Variants in PCDH11Y observed in about 807,000 individuals in gnomAD.
PCDH11Y encodes protocadherin 11 Y-linked.
For missense variants in PCDH11Y, 12 were observed against 224.8 expected (o/e 0.05, Z 6.05); for synonymous variants, 9 against 83.6 (o/e 0.11, Z 4.87).
At chrY:5,308,128 C>T in intron 2 of PCDH11Y, among the ~76,000 whole-genome samples, 1 of 33,093 alleles carries the variant, frequency 3.0e-5, no homozygotes, top group Non-Finnish European at 7.4e-5. Flanking sequence ...TTCAAATAGT[C>T]ATGTAAACTG....
intron 3 of PCDH11Y, among the ~76,000 whole-genome samples, chrY:5,559,533 T>C (rs2124694979): frequency 3.0e-5 from 1 of 33,086 alleles, no homozygotes; most frequent in Admixed American, 2.8e-4. Flanking sequence ...TTGAATTTAA[T>C]GCCCATAATT....
At chrY:5,583,523 A>AT (rs2053452664) in intron 4 of PCDH11Y, among the ~76,000 whole-genome samples, 1 of 30,951 alleles carries the variant, frequency 3.2e-5, no homozygotes, top group Non-Finnish European at 7.9e-5. Flanking sequence ...ATATCTTTTC[A>AT]TTTTTTGTGT....
chrY:5,081,295 C>T (rs207480118), intron 1 of PCDH11Y, among the ~76,000 whole-genome samples: 1 of 32,242 alleles, frequency 3.1e-5, no homozygotes, highest in Non-Finnish European at 7.5e-5. Context: ...GTTTGATGTC[C>T]GGTAGTGTGA....
At chrY:5,298,307 G>A (rs2124662847) in intron 2 of PCDH11Y, among the ~76,000 whole-genome samples, 3 of 33,458 alleles carry the variant, frequency 9.0e-5, no homozygotes, top group Admixed American at 2.7e-4. Context: ...GGTAGTAGGA[G>A]TCTAAATGAG....
chrY:5,446,044 CAACTAT>C (rs2053287513), intron 2 of PCDH11Y, among the ~76,000 whole-genome samples: 1 of 33,455 alleles, frequency 3.0e-5, no homozygotes, highest in Non-Finnish European at 7.4e-5. Context: ...TACATCATTA[CAACTAT>C]AATTTAAAAT....
At chrY:5,384,383 A>T in intron 2 of PCDH11Y, among the ~76,000 whole-genome samples, 1 of 29,471 alleles carries the variant, frequency 3.4e-5, no homozygotes, top group African/African-American at 1.3e-4. Context: ...TAAACTCATT[A>T]TATTATCATT....
At chrY:5,407,892 C>G (rs373713464) in intron 2 of PCDH11Y, among the ~76,000 whole-genome samples, 1 of 17,106 alleles carries the variant, frequency 5.8e-5, no homozygotes, top group African/African-American at 2.4e-4. Context: ...CCAGCCTGGG[C>G]GACAGAGCGA....
At chrY:5,039,954 G>A (rs2124622737) in intron 3 of PCDH11Y, among the ~76,000 whole-genome samples, 1 of 31,176 alleles carries the variant, frequency 3.2e-5, no homozygotes, top group East Asian at 8.5e-4. Context: ...TGGCTAACAT[G>A]GTGAAACCCC....
intron 4 of PCDH11Y, among the ~76,000 whole-genome samples, chrY:5,614,929 G>C (rs1602951745): frequency 8.0e-4 from 25 of 31,156 alleles, no homozygotes; most frequent in African/African-American, 3.3e-3. Flanking sequence ...GGAGGCCTCA[G>C]AATCATGGTG....
chrY:5,546,377 T>C (rs2053413104), intron 3 of PCDH11Y, among the ~76,000 whole-genome samples: 1 of 33,253 alleles, frequency 3.0e-5, no homozygotes, highest in African/African-American at 1.2e-4. Context: ...AAAGCTTCAG[T>C]ATCTTGTTCC....
chrY:5,049,493 C>A, intron 3 of PCDH11Y, among the ~76,000 whole-genome samples: 1 of 31,428 alleles, frequency 3.2e-5, no homozygotes, highest in African/African-American at 1.3e-4. Context: ...GATATTTATT[C>A]TTTCTATCCA....
intron 4 of PCDH11Y, among the ~76,000 whole-genome samples, chrY:5,688,663 A>C: frequency 3.3e-5 from 1 of 30,669 alleles, no homozygotes; most frequent in Non-Finnish European, 7.8e-5. Context: ...AAAATACTAA[A>C]CATATAGAAA....
At chrY:5,260,965 G>T in intron 2 of PCDH11Y, among the ~76,000 whole-genome samples, 1 of 31,488 alleles carries the variant, frequency 3.2e-5, no homozygotes, top group East Asian at 8.7e-4. Flanking sequence ...AATTATGGGG[G>T]CAGGTCTTTC....
chrY:5,015,825 C>T (rs1468269840), intron 1 of PCDH11Y, among the ~76,000 whole-genome samples: 809 of 31,060 alleles, frequency 0.026, no homozygotes, highest in Middle Eastern at 0.19. Context: ...GTGGGAGGGA[C>T]CTGGTTGGGG....
At chrY:5,640,948 C>T (rs2124705028) in intron 4 of PCDH11Y, among the ~76,000 whole-genome samples, 1 of 30,178 alleles carries the variant, frequency 3.3e-5, no homozygotes, top group South Asian at 8.0e-4. Flanking sequence ...AGTGTAGCCA[C>T]CTCCATGAAT....
chrY:5,087,256 T>C (rs1602859897), intron 1 of PCDH11Y, among the ~76,000 whole-genome samples: 2 of 33,115 alleles, frequency 6.0e-5, no homozygotes, highest in East Asian at 1.7e-3. Flanking sequence ...TAAGTCAGCT[T>C]GTGGTGATTG....
intron 2 of PCDH11Y, among the ~76,000 whole-genome samples, chrY:5,215,911 CT>C (rs1193823602): frequency 2.3e-4 from 3 of 13,298 alleles, no homozygotes; most frequent in African/African-American, 9.2e-4. Context: ...TTAAGACTTT[CT>C]TTTTTTTTTT....
intron 3 of PCDH11Y, among the ~76,000 whole-genome samples, chrY:5,508,678 T>C: frequency 6.0e-5 from 2 of 33,316 alleles, no homozygotes; most frequent in Non-Finnish European, 1.5e-4. Context: ...CGGTAATTCT[T>C]TGTGTAATCA....
intron 3 of PCDH11Y, among the ~76,000 whole-genome samples, chrY:5,576,765 G>A (rs2053446494): frequency 6.0e-5 from 2 of 33,135 alleles, no homozygotes; most frequent in Admixed American, 5.6e-4. Flanking sequence ...TTCTGCCCTT[G>A]TCAGTTGATG....
Sources: allele counts gnomAD v4.1 joint callset (sites outside exome capture counted in the v4.1 genomes callset), GRCh38; gene constraint gnomAD v4.1.1; transcripts MANE v1.5; gene names NCBI Gene and HGNC (gene_info 2026-07-23, HGNC 2026-07-21).